The following RSRC1 variants were observed in gnomAD, a reference collection of about 807,000 sequenced individuals.
RSRC1 encodes the protein arginine and serine rich coiled-coil 1, also known as serine/Arginine-related protein 53.
Under a neutral mutation model 49.1 loss-of-function variants are expected in RSRC1, and 39 were observed. The ratio of observed to expected loss-of-function variants is 0.79; its 90% confidence interval spans 0.61 to 1.04. The LOEUF (loss-of-function observed/expected upper bound fraction) is 1.04. Among genes scored for constraint, RSRC1 ranks in the 50% least tolerant of loss-of-function variants. The pLI, the probability that RSRC1 is intolerant of heterozygous loss-of-function variation, is 0.00. For missense variants in RSRC1, 388 were observed against 402.4 expected, an observed-to-expected ratio of 0.96 and a Z score of 0.31; for synonymous variants, 143 against 130.8, an observed-to-expected ratio of 1.09 and a Z score of -0.63.
At chr3:158,516,113 C>T (rs1288577651) in intron 7 of RSRC1, among the ~76,000 whole-genome samples, 1 of 152,248 alleles carries the variant, frequency 6.6e-6, no homozygotes, top group Non-Finnish European at 1.5e-5. Flanking sequence ...AAGTCATTCT[C>T]CGTCCAGCTT....
At chr3:158,396,326 C>A (rs906650220) in intron 6 of RSRC1, among the ~76,000 whole-genome samples, 3 of 151,686 alleles carry the variant, frequency 2.0e-5, no homozygotes, top group African/African-American at 7.3e-5. Flanking sequence ...AGACACGTAC[C>A]CCTGAACCTA....
chr3:158,335,617 G>A (rs912917065), intron 5 of RSRC1, among the ~76,000 whole-genome samples: 1 of 152,188 alleles, frequency 6.6e-6, no homozygotes, highest in Non-Finnish European at 1.5e-5. Context: ...AGGATAAGTA[G>A]AAAGGATATA....
chr3:158,273,736 T>C (rs1015098768), intron 4 of RSRC1, among the ~76,000 whole-genome samples: 5 of 152,106 alleles, frequency 3.3e-5, no homozygotes, highest in African/African-American at 1.2e-4. Flanking sequence ...TTTCTTTGAG[T>C]TAAAACATGA....
intron 5 of RSRC1, among the ~76,000 whole-genome samples, chr3:158,324,164 G>T (rs1728931719): frequency 6.6e-6 from 1 of 151,928 alleles, no homozygotes; most frequent in Non-Finnish European, 1.5e-5. Context: ...GAACTTACTG[G>T]TATATGGCTT....
intron 3 of RSRC1, among the ~76,000 whole-genome samples, chr3:158,144,845 T>C (rs372201170): frequency 6.6e-6 from 1 of 152,228 alleles, no homozygotes; most frequent in Non-Finnish European, 1.5e-5. Context: ...TGTGAGATGG[T>C]ATCTCATTGA....
intron 6 of RSRC1, among the ~76,000 whole-genome samples, chr3:158,355,833 A>G (rs1731127403): frequency 6.6e-6 from 1 of 151,956 alleles, no homozygotes; most frequent in African/African-American, 2.4e-5. Context: ...GTCTCAAACC[A>G]TGGGTAGTAC....
At chr3:158,423,963 A>T (rs1005643757) in intron 6 of RSRC1, among the ~76,000 whole-genome samples, 4 of 150,316 alleles carry the variant, frequency 2.7e-5, no homozygotes, top group African/African-American at 4.9e-5. Context: ...CAGCTTAAGG[A>T]TATTTTGGGC....
At position 158,478,037 on chromosome 3, in the gene RSRC1, C is replaced by T. The variant is rs1355717805; in HGVS notation, c.652+17034C>T. On this transcript the variant is annotated intron_variant, in intron 7 of 9. Coordinates refer to ENST00000611884, the MANE Select transcript of RSRC1 (RefSeq NM_001271838.2). ...TCTCAGCACTGTACTTCAGCCTAGA[C>T]GACAGAGTGAAACCCCCATCTCTAA... is the stretch of plus-strand genomic sequence containing the variant. Among the ~76,000 whole-genome samples, 8 of 150,542 alleles carry T rather than the reference C, an allele frequency of 5.3e-5. No homozygotes were observed. In the East Asian group the frequency reaches 5.9e-4, roughly 11 times the overall value.
intron 6 of RSRC1, among the ~76,000 whole-genome samples, chr3:158,373,181 G>A (rs776852111): frequency 1.4e-4 from 22 of 151,744 alleles, no homozygotes; most frequent in Non-Finnish European, 2.7e-4. Flanking sequence ...GATGTCATAT[G>A]CAAATAGAGA....
At chr3:158,162,106 T>C (rs1718264412) in intron 3 of RSRC1, among the ~76,000 whole-genome samples, 1 of 152,172 alleles carries the variant, frequency 6.6e-6, no homozygotes, top group Non-Finnish European at 1.5e-5. Flanking sequence ...ATCTGAATAA[T>C]AGAAACTGCC....
intron 7 of RSRC1, among the ~76,000 whole-genome samples, chr3:158,518,148 A>ATATATT (rs1310027981): frequency 6.8e-5 from 3 of 44,138 alleles, no homozygotes; most frequent in African/African-American, 4.6e-4. Flanking sequence ...ATATATATAT[A>ATATATT]TTTTTTTTTT....
At chr3:158,467,767 C>T (rs1350900371) in intron 7 of RSRC1, among the ~76,000 whole-genome samples, 1 of 152,078 alleles carries the variant, frequency 6.6e-6, no homozygotes, top group African/African-American at 2.4e-5. Flanking sequence ...TTTCTGTTTT[C>T]ACTAGATTGA....
chr3:158,382,638 C>G (rs1037372448), intron 6 of RSRC1, among the ~76,000 whole-genome samples: 3 of 152,144 alleles, frequency 2.0e-5, no homozygotes, highest in African/African-American at 7.2e-5. Context: ...CTTTAAGTTG[C>G]TTTCTCAGCA....
At chr3:158,144,643 T>C (rs1319104368) in intron 3 of RSRC1, among the ~76,000 whole-genome samples, 4 of 152,230 alleles carry the variant, frequency 2.6e-5, no homozygotes, top group African/African-American at 9.7e-5. Context: ...CCTTTGGATA[T>C]ATACCCAGTA....
intron 7 of RSRC1, among the ~76,000 whole-genome samples, chr3:158,518,167 T>TTTTTTTTTTTTTTC (rs1740704654): frequency 7.6e-6 from 1 of 132,114 alleles, no homozygotes; most frequent in Non-Finnish European, 1.6e-5. Flanking sequence ...TTTTTTTTTT[T>TTTTTTTTTTTTTTC]TACTCCCATA....
intron 7 of RSRC1, among the ~76,000 whole-genome samples, chr3:158,473,282 G>A (rs1428308554): frequency 6.6e-6 from 1 of 152,078 alleles, no homozygotes; most frequent in Non-Finnish European, 1.5e-5. Context: ...AACAATGATA[G>A]ACTGGATAAA....
At chr3:158,116,006 G>T (rs994057169) in intron 1 of RSRC1, among the ~76,000 whole-genome samples, 1 of 152,152 alleles carries the variant, frequency 6.6e-6, no homozygotes, top group African/African-American at 2.4e-5. Flanking sequence ...GTGACATTTT[G>T]CATTGGCCAT....
At chr3:158,262,839 C>T (rs576725339) in intron 4 of RSRC1, among the ~76,000 whole-genome samples, 1 of 151,830 alleles carries the variant, frequency 6.6e-6, no homozygotes, top group Non-Finnish European at 1.5e-5. Flanking sequence ...ATATCAATTT[C>T]AGATTACTTA....
intron 3 of RSRC1, among the ~76,000 whole-genome samples, chr3:158,199,770 C>T (rs1275893005): frequency 6.6e-6 from 1 of 152,108 alleles, no homozygotes; most frequent in Non-Finnish European, 1.5e-5. Context: ...TTACTTTACT[C>T]ATGGATTATT....
Sources: allele counts gnomAD v4.1 joint callset (sites outside exome capture counted in the v4.1 genomes callset), GRCh38; gene constraint gnomAD v4.1.1; transcripts MANE v1.5; gene names NCBI Gene and HGNC (gene_info 2026-07-23, HGNC 2026-07-21).